Variants in TOR2A observed in about 807,000 individuals in gnomAD.
TOR2A encodes the protein prosalusin.
Under a neutral mutation model 28.6 loss-of-function variants are expected in TOR2A, and 24 were observed. The observed-to-expected ratio is 0.84, with a 90% CI of 0.61 to 1.18. The LOEUF is 1.18. Ranked by LOEUF, TOR2A falls within the 50% of genes most tolerant of loss-of-function variation. The pLI, the probability that TOR2A is intolerant of heterozygous loss-of-function variation, is 0.00. For missense variants in TOR2A, 426 were observed against 448.1 expected (o/e 0.95, Z 0.45); for synonymous variants, 203 against 203.1 (o/e 1.00, Z 0.00).
At chr9:127,733,115 C>T (rs1844529353) in intron 3 of TOR2A, 4 of 1,517,204 alleles carry the variant, frequency 2.6e-6, no homozygotes, top group Non-Finnish European at 3.5e-6. Flanking sequence ...GTCCTCCTCA[C>T]CACAAAAGAG....
Position 127,731,773 on chromosome 9 carries a change from A to G in TOR2A, c.*261T>C. The G allele has an allele frequency of 1.4e-6, 1 of 713,776 alleles. No homozygotes were observed. The highest frequency in any genetic ancestry group is 2.2e-6 in the Non-Finnish European group (1 of 463,042). 44.2% of individuals were successfully genotyped at this position (713,776 alleles called of 1,614,324 possible). On this transcript the variant is annotated 3_prime_UTR_variant, in exon 5 of 5. Transcript: ENST00000373284. ...AGCCACAGTCCCTGAGTTATAATTC[A>G]CAGTAAGAAGGCTCAGGCTGCAGGG...
In TOR2A at chr9:127,733,872, G is replaced by A. The variant is rs1440117864; in HGVS notation, c.418-312C>T. ...CTGCTCCCTGAAACTACACAGCAGT[G>A]TTGACGGCTGAAACTGATCAGCCTG... On this transcript the variant is annotated intron_variant, in intron 2 of 4. Coordinates refer to ENST00000373284, the MANE Select transcript of TOR2A (RefSeq NM_001085347.3). The A allele has an allele frequency of 9.0e-6, 4 of 443,442 alleles. 1 individual carries two copies. In the East Asian group the frequency reaches 1.5e-4, roughly 17 times the overall value. The allele number at this position is 443,442 out of a possible 1,614,324, so 27.5% of individuals were successfully genotyped here.
In TOR2A at chr9:127,735,135, G is replaced by A. The variant is rs1262835811; in HGVS notation, c.136C>T (p.Arg46Trp). 11 of 1,480,918 alleles carry A rather than the reference G, an allele frequency of 7.4e-6. No homozygotes were observed. The highest frequency in any genetic ancestry group is 8.9e-6 in the Non-Finnish European group (10 of 1,123,116). The allele number at this position is 1,480,918 out of a possible 1,614,324, so 91.7% of individuals were successfully genotyped here. A position where few individuals can be genotyped will look rare whatever the true frequency, so the allele number is the denominator to read the frequency against. Residue 46 changes from arginine to tryptophan, a missense_variant, in exon 1 of 5, where the codon CGG becomes TGG. Transcript: ENST00000373284. ...GGCGCCTCACCCGGCAAGTCGGGCCGGAAGTCGCATTCGCAAAAGGCGCCC... is the reference window on the plus strand; with the variant it reads ...GGCGCCTCACCCGGCAAGTCGGGCCAGAAGTCGCATTCGCAAAAGGCGCCC... ...TLGAFCECDF[R>W]PDLPGLECDL... is the part of the protein sequence containing the mutation.
Position 127,734,358 on chromosome 9 carries a change from C to T in TOR2A, c.358G>A (p.Val120Met). ...TGGAGGACGGGAGAAAAGTGGTGCA[C>T]GCGGGGGCTGCGGAGGCCGCCCTGG... ...LFQGGLRSPR[V>M]HHFSPVLHFP... Residue 120 changes from valine to methionine, a missense_variant, in exon 2 of 5, where the codon GTG (valine) becomes ATG (methionine). Transcript: ENST00000373284. 3 of 1,611,298 alleles carry T rather than the reference C, an allele frequency of 1.9e-6. No individual in the cohort carries two copies. Among genetic ancestry groups the T allele is most frequent in the East Asian group, 2.2e-5 (1 of 44,772 alleles).
At chr9:127,733,744 C>T in intron 2 of TOR2A, 184 bp from the exon 3 acceptor site, 1 of 623,428 alleles carries the variant, frequency 1.6e-6, no homozygotes, top group Non-Finnish European at 2.8e-6. Flanking sequence ...CCCAAAGTCA[C>T]ACAGCCAGTC....
rs932956559 is a variant in TOR2A, at chr9:127,732,097, G to A, written c.903C>T (p.Asp301=). The A allele has an allele frequency of 6.2e-6, 10 of 1,613,782 alleles. No individual in the cohort carries two copies. Among genetic ancestry groups the A allele is most frequent in the African/African-American group, 4.0e-5 (3 of 74,956 alleles). ...AGCCGTTGGAGGAGAAGAGCTGCTC[G>A]TCTTCAGGGAAGAAGGTGGTGCTGT... The part of the protein sequence containing the change: ...VLDSTTFFPE[D]EQLFSSNGCK... The change falls in exon 5 of 5, where the codon GAC becomes GAT. Residue 301 remains aspartate (D), a synonymous_variant. Transcript: ENST00000373284.
At position 127,731,736 on chromosome 9, in the gene TOR2A, A is replaced by G. The variant is rs1844428165; in HGVS notation, c.*298T>C. ...GGCAAGGGTGGCAGACTGAGGAGGG[A>G]GCACCGCCACGAGCCACAGTCCCTG... On this transcript the variant is annotated 3_prime_UTR_variant, in exon 5 of 5. Coordinates refer to ENST00000373284, the MANE Select transcript of TOR2A (RefSeq NM_001085347.3). The G allele has an allele frequency of 7.6e-6, 5 of 655,678 alleles. No homozygotes were observed. The highest frequency in any genetic ancestry group is 2.4e-5 in the South Asian group (1 of 41,088). The allele number at this position is 655,678 out of a possible 1,614,324, so 40.6% of individuals were successfully genotyped here. A position where few individuals can be genotyped will look rare whatever the true frequency, so the allele number is the denominator to read the frequency against.
chr9:127,734,702 TG>T, intron 1 of TOR2A, 138 bp from the exon 2 acceptor site: 1 of 1,091,618 alleles, frequency 9.2e-7, no homozygotes, highest in Non-Finnish European at 1.2e-6. Context: ...ACGCAAACCT[TG>T]GGGTCTGTGG....
At position 127,732,129 on chromosome 9, in the gene TOR2A, C is replaced by G; in HGVS notation, c.871G>C (p.Val291Leu). The change falls in exon 5 of 5, where the codon GTG (valine) becomes CTG (leucine). Residue 291 changes from valine to leucine, a missense_variant. Physicochemically the swap from Val to Leu is conservative, Grantham distance 32. Coordinates refer to ENST00000373284, the MANE Select transcript of TOR2A (RefSeq NM_001085347.3). The part of the protein sequence containing the change: ...LEPRDEVVQA[V>L]LDSTTFFPED... ...GGGAAGAAGGTGGTGCTGTCCAGCA[C>G]AGCCTGGACAACCTCATCCCTTGGC... 6.2e-7 allele frequency: 1 copy of G among 1,613,710 alleles called. No individual in the cohort carries two copies. The highest frequency in any genetic ancestry group is 8.5e-7 in the Non-Finnish European group (1 of 1,180,022).
intron 2 of TOR2A, chr9:127,733,898 G>C: frequency 2.4e-6 from 1 of 418,718 alleles, no homozygotes; most frequent in Non-Finnish European, 4.3e-6. Flanking sequence ...GATCAGCCTG[G>C]TGGGTACCCT....
At chr9:127,732,896 T>C (rs1308894430) in intron 3 of TOR2A, 1 of 1,420,288 alleles carries the variant, frequency 7.0e-7, no homozygotes, top group African/African-American at 1.4e-5. Context: ...ACGTACTTTA[T>C]AGTTTACAAA....
At chr9:127,732,366 G>A in intron 4 of TOR2A, 88 bp from the exon 5 acceptor site, 4 of 1,491,502 alleles carry the variant, frequency 2.7e-6, no homozygotes, top group Non-Finnish European at 3.6e-6. Flanking sequence ...GAGGAAAAAT[G>A]CTGGCCTCAG....
Position 127,734,313 on chromosome 9 carries a change from T to A in TOR2A, c.403A>T (p.Ile135Phe). ...ATCCAGCCTACCTTGTAGCGCTCGA[T>A]GTGGCTGGGGTGGGGGAAGTGGAGG... ...PVLHFPHPSH[I>F]ERYKKDLKSW... is the part of the protein sequence containing the mutation. Residue 135 changes from isoleucine (I) to phenylalanine (F), a missense_variant, in exon 2 of 5, where the codon ATC (isoleucine) becomes TTC (phenylalanine). By Grantham distance (21) the Ile-to-Phe change is conservative (BLOSUM62 0). Transcript: ENST00000373284. 6.3e-7 allele frequency: 1 copy of A among 1,597,844 alleles called. No individual in the cohort carries two copies.
intron 4 of TOR2A, 105 bp downstream of exon 4, chr9:127,732,459 G>A (rs1032177315): frequency 3.4e-5 from 50 of 1,455,436 alleles, no homozygotes; most frequent in Non-Finnish European, 4.3e-5. Context: ...CCAAAGCCAG[G>A]CTCAGAACTG....
chr9:127,733,348 G>A (rs1443644039), intron 3 of TOR2A, 37 bp downstream of exon 3: 2 of 1,613,406 alleles, frequency 1.2e-6, no homozygotes, highest in African/African-American at 1.3e-5. Flanking sequence ...CTGAGAAGTG[G>A]CCCCCCCACT....
chr9:127,733,080 C>T, intron 3 of TOR2A: 1 of 1,472,152 alleles, frequency 6.8e-7, no homozygotes, highest in Non-Finnish European at 8.9e-7. Context: ...GACAAGAACT[C>T]TGTTCCTATT....
Position 127,732,652 on chromosome 9 carries a change from C to G in TOR2A, c.633G>C (p.Glu211Asp), listed in dbSNP as rs1203575561. Residue 211 changes from glutamate (E) to aspartate (D), a missense_variant, in exon 4 of 5, where the codon GAG becomes GAC. Coordinates refer to ENST00000373284, the MANE Select transcript of TOR2A (RefSeq NM_001085347.3). ...GGKQINQVAL[E>D]AWRSRRDREE... The stretch of plus-strand genomic sequence containing the variant: ...CGCGGTCCCGCCGGCTGCGCCACGC[C>G]TCCAATGCCACCTGGTTGATCTGCT... 1 of 1,570,844 alleles carries G rather than the reference C, an allele frequency of 6.4e-7. No homozygotes were observed. The highest frequency in any genetic ancestry group is 8.6e-7 in the Non-Finnish European group (1 of 1,158,660).
At chr9:127,735,008 C>T (rs1376193503) in intron 1 of TOR2A, 112 bp downstream of exon 1, 11 of 1,321,416 alleles carry the variant, frequency 8.3e-6, no homozygotes, top group Non-Finnish European at 1.1e-5. Flanking sequence ...CGGTCCCACC[C>T]TCTGGGTCCT....
chr9:127,735,078 C>G, intron 1 of TOR2A, 42 bp downstream of exon 1: 1 of 1,399,172 alleles, frequency 7.1e-7, no homozygotes, highest in Non-Finnish European at 9.2e-7. Flanking sequence ...CGCGTCTGCC[C>G]GCGTCCGCCC....
Sources: allele counts gnomAD v4.1 joint callset, GRCh38; gene constraint gnomAD v4.1.1; transcripts MANE v1.5; gene names NCBI Gene and HGNC (gene_info 2026-07-23, HGNC 2026-07-21).